MTOR: variants seen among roughly 807,000 people sequenced by gnomAD.
MTOR encodes the protein mechanistic target of rapamycin kinase, also known as serine/threonine-protein kinase mTOR.
A neutral mutation model predicts 319.8 loss-of-function variants in MTOR; 70 were observed. The ratio of observed to expected loss-of-function variants is 0.22; its 90% CI spans 0.18 to 0.27. The LOEUF (loss-of-function observed/expected upper bound fraction) is 0.27. MTOR is among the 10% of genes least tolerant of loss of function. MTOR has a pLI of 1.00. For synonymous variants in MTOR, 1,183 were observed against 1,211.4 expected, an observed-to-expected ratio of 0.98 and a Z score of 0.49; for missense variants, 1,890 against 3,274.4, an observed-to-expected ratio of 0.58 and a Z score of 10.32.
At chr1:11,231,157 C>G in intron 17 of MTOR, 103 bp from the exon 18 acceptor site, 2 of 1,590,788 alleles carry the variant, frequency 1.3e-6, no homozygotes. Flanking sequence ...CAGTTCATAT[C>G]CAAATGACCA....
chr1:11,241,599 G>T lies in MTOR; in HGVS notation c.1495C>A (p.Gln499Lys). ...LARAMGPGIQ[Q>K]DIKELLEPML... Reference sequence around the variant, plus strand: ...GGCTCCAGCAGCTCCTTGATATCCTGCTGGATGCCTGGCCCCATTGCTCGA... The same window carrying T: ...GGCTCCAGCAGCTCCTTGATATCCTTCTGGATGCCTGGCCCCATTGCTCGA... Residue 499 changes from glutamine to lysine, a missense_variant, in exon 10 of 58, where the codon CAG becomes AAG. Transcript: ENST00000361445. 6.2e-7 allele frequency: 1 copy of T among 1,614,066 alleles called. No individual in the cohort carries two copies. Among genetic ancestry groups the T allele is most frequent in the Non-Finnish European group, 8.5e-7 (1 of 1,179,952 alleles).
chr1:11,250,276 C>T (rs187845654), intron 6 of MTOR, among the ~76,000 whole-genome samples: 1,534 of 136,472 alleles, frequency 0.011, 54 homozygotes, highest in Admixed American at 0.066. Flanking sequence ...AGGGGGCTGA[C>T]CCCCCCACCT....
chr1:11,156,963 A>C (rs1172755954), intron 30 of MTOR, among the ~76,000 whole-genome samples, 189 bp downstream of exon 30: 2 of 152,146 alleles, frequency 1.3e-5, no homozygotes, highest in Non-Finnish European at 2.9e-5. Flanking sequence ...AGGCCTTCCT[A>C]CTTAGCAGCT....
At chr1:11,114,635 T>C in intron 52 of MTOR, 178 bp downstream of exon 52, 4 of 1,031,576 alleles carry the variant, frequency 3.9e-6, no homozygotes, top group Non-Finnish European at 4.2e-6. Flanking sequence ...AGGTCAGAAG[T>C]GAAGTGGTAA....
intron 16 of MTOR, 121 bp downstream of exon 16, chr1:11,232,315 A>G: frequency 1.7e-6 from 1 of 602,320 alleles, no homozygotes; most frequent in Non-Finnish European, 2.9e-6. Flanking sequence ...ATTTTTGAGC[A>G]CCTACTATGT....
At chr1:11,113,670 G>C (rs1300092355) in intron 53 of MTOR, among the ~76,000 whole-genome samples, 2 of 152,054 alleles carry the variant, frequency 1.3e-5, no homozygotes, top group African/African-American at 2.4e-5. Flanking sequence ...GAGTGCAGCA[G>C]TGGCATGATC....
chr1:11,186,307 T>C (rs539639086), intron 28 of MTOR, among the ~76,000 whole-genome samples: 2 of 152,218 alleles, frequency 1.3e-5, no homozygotes, highest in Admixed American at 1.3e-4. Flanking sequence ...CTGATGCTCC[T>C]CTCTGGATAG....
chr1:11,247,234 G>C (rs933689384), intron 8 of MTOR, among the ~76,000 whole-genome samples: 1 of 152,202 alleles, frequency 6.6e-6, no homozygotes, highest in African/African-American at 2.4e-5. Flanking sequence ...GCCTGCAAGT[G>C]GTGAGGCAGC....
At chr1:11,185,066 C>T (rs374377482) in intron 28 of MTOR, among the ~76,000 whole-genome samples, 10 of 152,146 alleles carry the variant, frequency 6.6e-5, no homozygotes, top group African/African-American at 2.2e-4. Context: ...TTCTTTAAAA[C>T]CTAGGTATCA....
At position 11,153,022 on chromosome 1, in the gene MTOR, T is replaced by C. The variant is rs145123826; in HGVS notation, c.4470-2796A>G. ...GAACGGCAACATCAGGAGATCGATA[T>C]CACTCAGCTCGGTTTTCTCAACTTC... On this transcript the variant is annotated intron_variant, in intron 30 of 57. Coordinates refer to ENST00000361445, the MANE Select transcript of MTOR (RefSeq NM_004958.4). Among the ~76,000 whole-genome samples, 61 of 152,296 alleles carry C rather than the reference T, an allele frequency of 4.0e-4. 1 individual carries two copies. In the East Asian group the frequency reaches 7.5e-3, roughly 19 times the overall value.
At chr1:11,182,356 C>T (rs1337436619) in intron 28 of MTOR, among the ~76,000 whole-genome samples, 3 of 151,972 alleles carry the variant, frequency 2.0e-5, no homozygotes, top group East Asian at 3.9e-4. Context: ...ACTTTTATGA[C>T]GAGACAACAA....
chr1:11,220,805 T>C (rs969158298), intron 19 of MTOR, among the ~76,000 whole-genome samples: 6 of 152,134 alleles, frequency 3.9e-5, no homozygotes, highest in Non-Finnish European at 7.3e-5. Context: ...CCTAGAGAGC[T>C]GTAAGATAAG....
chr1:11,204,433 T>C, intron 26 of MTOR, 128 bp downstream of exon 26: 1 of 1,294,994 alleles, frequency 7.7e-7, no homozygotes, highest in Non-Finnish European at 1.0e-6. Flanking sequence ...TCTTTCTCTT[T>C]CTTTGTATCC....
chr1:11,209,211 C>A, intron 25 of MTOR, 101 bp downstream of exon 25: 2 of 1,431,220 alleles, frequency 1.4e-6, no homozygotes, highest in South Asian at 1.3e-5. Flanking sequence ...GAAAAAACAC[C>A]TGGGCTGGTT....
In MTOR at chr1:11,136,775, T is replaced by C. The variant is rs1449311576; in HGVS notation, c.5131-2309A>G. Reference sequence around the variant, plus strand: ...ACCACGGCCTCCCAAAGTGCTGGGATTACAGGTGTGAACCACCCTTTAGTT... The same window carrying C: ...ACCACGGCCTCCCAAAGTGCTGGGACTACAGGTGTGAACCACCCTTTAGTT... On this transcript the variant is annotated intron_variant, in intron 36 of 57. Coordinates refer to ENST00000361445, the MANE Select transcript of MTOR (RefSeq NM_004958.4). Among the ~76,000 whole-genome samples, 7 of 152,126 alleles carry C rather than the reference T, an allele frequency of 4.6e-5. No individual in the cohort carries two copies. The South Asian group carries it at 1.0e-3, about 23-fold the overall frequency.
At position 11,164,603 on chromosome 1, in the gene MTOR, A is replaced by G. The variant is rs550570758; in HGVS notation, c.4329+2839T>C. 6.6e-5 allele frequency among the ~76,000 whole-genome samples: 10 copies of G among 152,332 alleles called. No homozygotes were observed. The East Asian group carries it at 1.9e-3, about 29-fold the overall frequency. On this transcript the variant is annotated intron_variant, in intron 29 of 57. Transcript: ENST00000361445. ...GGCTCTGAAATTGAGGCAATAATTA[A>G]TAGCCTACCAAACAAAAAAAGTCCA... is the stretch of plus-strand genomic sequence containing the variant.
At chr1:11,197,033 C>G (rs1335527747) in intron 28 of MTOR, among the ~76,000 whole-genome samples, 1 of 151,872 alleles carries the variant, frequency 6.6e-6, no homozygotes, top group Admixed American at 6.6e-5. Flanking sequence ...TAAAACAAAG[C>G]CTGTGGGGGT....
chr1:11,194,897 A>G, intron 28 of MTOR: 1 of 1,614,128 alleles, frequency 6.2e-7, no homozygotes. Flanking sequence ...ACCTCAATGG[A>G]GTGTACTACC....
chr1:11,247,396 A>G (rs961388099), intron 8 of MTOR, among the ~76,000 whole-genome samples: 1 of 152,218 alleles, frequency 6.6e-6, no homozygotes, highest in Non-Finnish European at 1.5e-5. Flanking sequence ...GCATCCATAC[A>G]TGAAAATTTG....
Sources: gnomAD v4.1 joint callset for allele counts (sites outside exome capture counted in the v4.1 genomes callset) on GRCh38, gnomAD v4.1.1 for gene constraint, MANE v1.5 for transcripts, NCBI Gene and HGNC (gene_info 2026-07-23, HGNC 2026-07-21) for gene names.